Variants in ROCK2 observed in about 807,000 individuals in gnomAD.
The protein encoded by ROCK2 is Rho associated coiled-coil containing protein kinase 2.
ROCK2 carries 61 observed loss-of-function variants against 195.1 expected under a neutral mutation model. That is an observed-to-expected ratio of 0.31 (90% CI 0.25 to 0.39). ROCK2 has a LOEUF of 0.39. Ranked by LOEUF, ROCK2 falls within the 10% of genes least tolerant of loss-of-function variation. ROCK2 has a pLI of 1.00. For synonymous variants in ROCK2, 504 were observed against 545.5 expected (o/e 0.92, Z 1.06); for missense variants, 1,109 against 1,637.4 (o/e 0.68, Z 5.57).
intron 1 of ROCK2, among the ~76,000 whole-genome samples, chr2:11,333,924 G>T (rs764729927): frequency 6.6e-6 from 1 of 152,076 alleles, no homozygotes; most frequent in Non-Finnish European, 1.5e-5. Context: ...CCCCCATGAG[G>T]TATCTTTACT....
At chr2:11,330,558 C>G (rs1342103174) in intron 1 of ROCK2, among the ~76,000 whole-genome samples, 1 of 152,092 alleles carries the variant, frequency 6.6e-6, no homozygotes, top group Non-Finnish European at 1.5e-5. Context: ...TGCTAATACA[C>G]TTTCTTTTCC....
At chr2:11,249,609 A>G (rs1213429287) in intron 4 of ROCK2, 52 bp downstream of exon 4, 3 of 1,357,782 alleles carry the variant, frequency 2.2e-6, no homozygotes, top group Admixed American at 2.8e-5. Flanking sequence ...CTCATGAATA[A>G]TAAAGCACTC....
chr2:11,181,209 TAC>T lies in ROCK2; in HGVS notation c.*2226_*2227del, dbSNP rs1291991555. On this transcript the variant is annotated 3_prime_UTR_variant, in exon 33 of 33. Coordinates refer to ENST00000315872, the MANE Select transcript of ROCK2 (RefSeq NM_004850.5). ...ATATATATATATATATATATATATATACTCTCCAATTCAGAATAGGATAGAAC... is the reference window on the plus strand; with the variant it reads ...ATATATATATATATATATATATATATTCTCCAATTCAGAATAGGATAGAAC... 1.1e-4 allele frequency: 15 copies of T among 141,138 alleles called. No individual in the cohort carries two copies. Among genetic ancestry groups the T allele is most frequent in the African/African-American group, 3.7e-4 (14 of 38,100 alleles). The allele number at this position is 141,138 out of a possible 1,614,324, so 8.7% of individuals were successfully genotyped here. A position where few individuals can be genotyped will look rare whatever the true frequency, so the allele number is the denominator to read the frequency against.
In ROCK2 at chr2:11,182,740, C is replaced by CT. The variant is rs1308142016; in HGVS notation, c.*696dup. The CT allele has an allele frequency of 6.6e-6, 1 of 152,416 alleles. No individual in the cohort carries two copies. The highest frequency in any genetic ancestry group is 2.4e-5 in the African/African-American group (1 of 41,348). 9.4% of individuals were successfully genotyped at this position (152,416 alleles called of 1,614,324 possible). On this transcript the variant is annotated 3_prime_UTR_variant, in exon 33 of 33. Transcript: ENST00000315872. ...TTGCCTATCATGAAGCATTAGGAAA[C>CT]TGATATAATTAACTTTAAACTTCTT...
chr2:11,183,197 G>T lies in ROCK2; in HGVS notation c.*240C>A, dbSNP rs1488461088. On this transcript the variant is annotated 3_prime_UTR_variant, in exon 33 of 33. Coordinates refer to ENST00000315872, the MANE Select transcript of ROCK2 (RefSeq NM_004850.5). ...GAGAGCTTTATGGAAAAGTCTGGAA[G>T]AGTTGCATATATCCTTAGTCTATCA... 2.5e-6 allele frequency: 1 copy of T among 404,534 alleles called. No homozygotes were observed. The highest frequency in any genetic ancestry group is 4.6e-6 in the Non-Finnish European group (1 of 219,652). 25.1% of individuals were successfully genotyped at this position (404,534 alleles called of 1,614,324 possible).
chr2:11,226,912 GAA>G (rs36080073), intron 6 of ROCK2, among the ~76,000 whole-genome samples: 1,770 of 100,798 alleles, frequency 0.018, 16 homozygotes, highest in African/African-American at 0.054. Flanking sequence ...CCCTGCCTCA[GAA>G]AAAAAAAAAA....
At position 11,194,898 on chromosome 2, in the gene ROCK2, G is replaced by A. The variant is rs1025596382; in HGVS notation, c.3519+57C>T. 27 of 971,228 alleles carry A rather than the reference G, an allele frequency of 2.8e-5. No homozygotes were observed. The African/African-American group carries it at 3.6e-4, about 13-fold the overall frequency. 60.2% of individuals were successfully genotyped at this position (971,228 alleles called of 1,614,324 possible). A position where few individuals can be genotyped will look rare whatever the true frequency, so the allele number is the denominator to read the frequency against. On this transcript the variant is annotated intron_variant, in intron 28 of 32. Coordinates refer to ENST00000315872, the MANE Select transcript of ROCK2 (RefSeq NM_004850.5). The stretch of plus-strand genomic sequence containing the variant: ...TATCCTACAACTACAAAAGCCAAAT[G>A]ACTAGAGTTAAAACAAAAACAAAAA...
At chr2:11,254,850 C>A (rs1355829109) in intron 3 of ROCK2, among the ~76,000 whole-genome samples, 1 of 149,170 alleles carries the variant, frequency 6.7e-6, no homozygotes, top group African/African-American at 2.5e-5. Context: ...TAGCACAAAC[C>A]TAACAAAACC....
At chr2:11,325,533 C>G (rs1668522040) in intron 1 of ROCK2, among the ~76,000 whole-genome samples, 1 of 151,916 alleles carries the variant, frequency 6.6e-6, no homozygotes, top group Non-Finnish European at 1.5e-5. Flanking sequence ...GGTGCAGCTT[C>G]AAATGAAAGT....
intron 18 of ROCK2, among the ~76,000 whole-genome samples, chr2:11,208,719 CA>C (rs1274003099): frequency 1.3e-5 from 2 of 151,304 alleles, no homozygotes; most frequent in African/African-American, 4.9e-5. Context: ...GGCCTCCAGA[CA>C]TAACTCGGAT....
chr2:11,337,513 T>C (rs1668967468), intron 1 of ROCK2, among the ~76,000 whole-genome samples: 1 of 152,180 alleles, frequency 6.6e-6, no homozygotes, highest in African/African-American at 2.4e-5. Flanking sequence ...ATGCAAATCA[T>C]GCAAATCGAA....
chr2:11,334,372 G>T lies in ROCK2; in HGVS notation c.141+9624C>A, dbSNP rs957084867. ...CTAAAACACAAAAAATTAGCCAGGC[G>T]TGGTGGTGCACACCTGTAGTCCCAG... On this transcript the variant is annotated intron_variant, in intron 1 of 32. Transcript: ENST00000315872. Among the ~76,000 whole-genome samples the T allele has an allele frequency of 3.9e-5, 6 of 151,962 alleles. 1 individual carries two copies. The highest frequency in any genetic ancestry group is 3.3e-4 in the Admixed American group (5 of 15,256).
intron 3 of ROCK2, among the ~76,000 whole-genome samples, chr2:11,253,975 G>A (rs534018705): frequency 2.6e-5 from 4 of 152,208 alleles, no homozygotes; most frequent in Admixed American, 6.5e-5. Context: ...AAAATGCTAC[G>A]CCTCTTTAAT....
At chr2:11,265,846 G>A (rs1401970531) in intron 3 of ROCK2, among the ~76,000 whole-genome samples, 1 of 151,934 alleles carries the variant, frequency 6.6e-6, no homozygotes, top group East Asian at 1.9e-4. Context: ...TGTAATCCCA[G>A]CAATTTAGGA....
In ROCK2 at chr2:11,224,345, G is replaced by C. The variant is rs780119597; in HGVS notation, c.984C>G (p.Leu328=). ...DAEISKHAKN[L]ICAFLTDREV... ...ACCTATCTGTTAAGAAAGCACAGAT[G>C]AGATTCTTTGCATGTTTGGAAATTT... Residue 328 remains leucine, a synonymous_variant, in exon 7 of 33, where the codon CTC becomes CTG. Coordinates refer to ENST00000315872, the MANE Select transcript of ROCK2 (RefSeq NM_004850.5). 1.2e-6 allele frequency: 2 copies of C among 1,613,094 alleles called. No individual in the cohort carries two copies. Among genetic ancestry groups the C allele is most frequent in the Non-Finnish European group, 1.7e-6 (2 of 1,179,422 alleles).
intron 1 of ROCK2, among the ~76,000 whole-genome samples, chr2:11,289,523 C>T (rs903021767): frequency 5.3e-5 from 8 of 152,036 alleles, no homozygotes; most frequent in African/African-American, 1.9e-4. Flanking sequence ...TTTACCTCCA[C>T]GAGAAGAAAA....
chr2:11,314,818 A>T (rs949901937), intron 1 of ROCK2, among the ~76,000 whole-genome samples: 3 of 151,990 alleles, frequency 2.0e-5, no homozygotes, highest in African/African-American at 4.8e-5. Context: ...GCATATCCAA[A>T]AACTTTCTCC....
chr2:11,312,935 C>G (rs1239883126), intron 1 of ROCK2, among the ~76,000 whole-genome samples: 1 of 151,922 alleles, frequency 6.6e-6, no homozygotes, highest in Non-Finnish European at 1.5e-5. Flanking sequence ...CTAGAGATAG[C>G]AAAAAGCTCA....
At chr2:11,333,428 A>G (rs530119793) in intron 1 of ROCK2, among the ~76,000 whole-genome samples, 3 of 152,342 alleles carry the variant, frequency 2.0e-5, no homozygotes, top group African/African-American at 7.2e-5. Flanking sequence ...CCACTAGTAG[A>G]TATAGAAGAA....
Sources: gnomAD v4.1 joint callset for allele counts (sites outside exome capture counted in the v4.1 genomes callset) on GRCh38, gnomAD v4.1.1 for gene constraint, MANE v1.5 for transcripts, NCBI Gene and HGNC (gene_info 2026-07-23, HGNC 2026-07-21) for gene names.